The following TTC9 variants were observed in gnomAD, a reference collection of about 807,000 sequenced individuals.
TTC9 encodes the protein tetratricopeptide repeat domain 9.
In TTC9, 13 loss-of-function variants were observed where a neutral mutation model predicts 22.9. That is an observed-to-expected ratio of 0.57 (90% CI 0.37 to 0.90). The LOEUF (loss-of-function observed/expected upper bound fraction) is 0.90. Among genes scored for constraint, TTC9 ranks in the 40% least tolerant of loss-of-function variants. The pLI is 0.01. For missense variants in TTC9, 280 were observed against 291.8 expected, an observed-to-expected ratio of 0.96 and a Z score of 0.29; for synonymous variants, 148 against 133.2, an observed-to-expected ratio of 1.11 and a Z score of -0.77.
intron 1 of TTC9, among the ~76,000 whole-genome samples, chr14:70,658,178 C>T (rs1228758024): frequency 2.6e-5 from 4 of 152,120 alleles, no homozygotes; most frequent in African/African-American, 9.7e-5. Context: ...GTGGGCTCAG[C>T]GGGTCACTTA....
At chr14:70,654,587 CAAAAAAAAAAAAAAAAAAA>C (rs61046584) in intron 1 of TTC9, among the ~76,000 whole-genome samples, 8 of 57,158 alleles carry the variant, frequency 1.4e-4, no homozygotes, top group Admixed American at 6.0e-4. Flanking sequence ...GGCTCTGTCT[CAAAAAAAAAAAAAAAAAAA>C]AAAAAAAAAA....
chr14:70,662,152 T>A (rs1407458332), intron 1 of TTC9, among the ~76,000 whole-genome samples: 3 of 152,222 alleles, frequency 2.0e-5, no homozygotes, highest in Non-Finnish European at 4.4e-5. Flanking sequence ...TATGGTTGTC[T>A]GAGAGCTCAG....
At chr14:70,657,571 A>G (rs971587279) in intron 1 of TTC9, among the ~76,000 whole-genome samples, 2 of 152,216 alleles carry the variant, frequency 1.3e-5, no homozygotes, top group Admixed American at 6.5e-5. Context: ...AGCCCCCTAG[A>G]TAAAGCCAAA....
At chr14:70,645,355 A>T (rs535111949) in intron 1 of TTC9, among the ~76,000 whole-genome samples, 1 of 152,274 alleles carries the variant, frequency 6.6e-6, no homozygotes, top group Non-Finnish European at 1.5e-5. Context: ...TTAGAAACCC[A>T]CTGTGGTGTA....
At position 70,654,960 on chromosome 14, in the gene TTC9, G is replaced by C. The variant is rs141647547; in HGVS notation, c.406+12425G>C. On this transcript the variant is annotated intron_variant, in intron 1 of 2. Coordinates refer to ENST00000256367, the MANE Select transcript of TTC9 (RefSeq NM_015351.2). ...ACTCAGTTGATTGGCATAAGAGTAG[G>C]TTGCAGACTGTTTACACATCCAGCT... Among the ~76,000 whole-genome samples, 803 of 152,328 alleles carry C rather than the reference G, an allele frequency of 5.3e-3. 3 individuals are homozygous for C. The highest frequency in any genetic ancestry group is 0.013 in the South Asian group (63 of 4,828).
chr14:70,659,132 G>GCGCGCGCACACACACA (rs762892061), intron 1 of TTC9, among the ~76,000 whole-genome samples: 197 of 144,330 alleles, frequency 1.4e-3, no homozygotes, highest in East Asian at 8.5e-3. Context: ...ACACACACAC[G>GCGCGCGCACACACACA]CACACACACA....
At chr14:70,650,422 C>CAAA (rs5809492) in intron 1 of TTC9, among the ~76,000 whole-genome samples, 65 of 145,558 alleles carry the variant, frequency 4.5e-4, no homozygotes, top group African/African-American at 1.6e-3. Flanking sequence ...GACACCATCT[C>CAAA]AAAAAAAAAA....
In TTC9 at chr14:70,673,222, AAC is replaced by A. The variant is rs2139654058; in HGVS notation, c.*2071_*2072del. 1.3e-5 allele frequency: 2 copies of A among 152,334 alleles called. No individual in the cohort carries two copies. Among genetic ancestry groups the A allele is most frequent in the South Asian group, 4.1e-4 (2 of 4,824 alleles). The allele number at this position is 152,334 out of a possible 1,614,324, so 9.4% of individuals were successfully genotyped here. A position where few individuals can be genotyped will look rare whatever the true frequency, so the allele number is the denominator to read the frequency against. ...AGGGTCACAATTAAGACCGAAAGGA[AAC>A]ACAAAGTTAAATATGGGTTAATTAT... On this transcript the variant is annotated 3_prime_UTR_variant, in exon 3 of 3. Transcript: ENST00000256367.
chr14:70,650,422 CA>C lies in TTC9; in HGVS notation c.406+7899del, dbSNP rs5809492. Among the ~76,000 whole-genome samples the C allele has an allele frequency of 5.4e-4, 79 of 145,448 alleles. No homozygotes were observed. The East Asian group carries it at 6.3e-3, about 12-fold the overall frequency. Reference sequence around the variant, plus strand: ...TGGGCGACAGAGCAGGACACCATCTCAAAAAAAAAAAAGAATATACTTGATG... The same window carrying C: ...TGGGCGACAGAGCAGGACACCATCTCAAAAAAAAAAAGAATATACTTGATG... On this transcript the variant is annotated intron_variant, in intron 1 of 2. Coordinates refer to ENST00000256367, the MANE Select transcript of TTC9 (RefSeq NM_015351.2).
chr14:70,665,091 GTTATT>G (rs565408155), intron 1 of TTC9, among the ~76,000 whole-genome samples: 67 of 152,230 alleles, frequency 4.4e-4, no homozygotes, highest in African/African-American at 9.6e-4. Context: ...TTCAAAAACT[GTTATT>G]TTATTTTATT....
In TTC9 at chr14:70,672,200, CT is replaced by C. The variant is rs1273431952; in HGVS notation, c.*1046del. The C allele has an allele frequency of 2.0e-5, 3 of 152,220 alleles. No individual in the cohort carries two copies. Among genetic ancestry groups the C allele is most frequent in the African/African-American group, 7.2e-5 (3 of 41,452 alleles). 9.4% of individuals were successfully genotyped at this position (152,220 alleles called of 1,614,324 possible). On this transcript the variant is annotated 3_prime_UTR_variant, in exon 3 of 3. Coordinates refer to ENST00000256367, the MANE Select transcript of TTC9 (RefSeq NM_015351.2). ...CAGCCTTTGTGCTTTTAAGAGTGGG[CT>C]GGGATTGTGGAGACTGCCCAGGGGC... is the stretch of plus-strand genomic sequence containing the variant.
intron 1 of TTC9, among the ~76,000 whole-genome samples, chr14:70,666,855 G>T (rs1594741520): frequency 6.6e-6 from 1 of 152,168 alleles, no homozygotes; most frequent in East Asian, 1.9e-4. Context: ...CCATGATGGT[G>T]ATGATGATGA....
At chr14:70,668,073 A>T (rs1886239396) in intron 2 of TTC9, among the ~76,000 whole-genome samples, 2 of 152,172 alleles carry the variant, frequency 1.3e-5, no homozygotes. Flanking sequence ...TGTGCTAAGC[A>T]CCAAGGGAAT....
chr14:70,659,145 C>CACAT (rs1412582528), intron 1 of TTC9, among the ~76,000 whole-genome samples: 2 of 151,840 alleles, frequency 1.3e-5, no homozygotes, highest in African/African-American at 4.8e-5. Context: ...CACACACACA[C>CACAT]ACACACACAC....
chr14:70,667,853 A>C, intron 2 of TTC9, 107 bp downstream of exon 2: 1 of 1,118,792 alleles, frequency 8.9e-7, no homozygotes, highest in Non-Finnish European at 1.3e-6. Flanking sequence ...AGGGACAGAG[A>C]TGGCAAAATT....
chr14:70,655,554 C>A (rs1020010957), intron 1 of TTC9, among the ~76,000 whole-genome samples: 1 of 152,206 alleles, frequency 6.6e-6, no homozygotes, highest in Non-Finnish European at 1.5e-5. Flanking sequence ...CAGCCAACCC[C>A]CTTCAGGTCT....
chr14:70,667,514 A>C, intron 1 of TTC9, 50 bp from the exon 2 acceptor site: 26 of 1,598,480 alleles, frequency 1.6e-5, no homozygotes, highest in Non-Finnish European at 2.1e-5. Context: ...GGAAACATGC[A>C]GAGCTGGCCA....
chr14:70,671,491 C>A lies in TTC9; in HGVS notation c.*336C>A. ...CTTTGGCCAGTGCTTCTGACAGAGGCGGAGCCTGGCAAGTGTACCATCCCA... is the reference window on the plus strand; with the variant it reads ...CTTTGGCCAGTGCTTCTGACAGAGGAGGAGCCTGGCAAGTGTACCATCCCA... On this transcript the variant is annotated 3_prime_UTR_variant, in exon 3 of 3. Transcript: ENST00000256367. The A allele has an allele frequency of 3.9e-6, 1 of 254,522 alleles. No homozygotes were observed. The highest frequency in any genetic ancestry group is 5.1e-5 in the South Asian group (1 of 19,434). The allele number at this position is 254,522 out of a possible 1,614,324, so 15.8% of individuals were successfully genotyped here. A position where few individuals can be genotyped will look rare whatever the true frequency, so the allele number is the denominator to read the frequency against.
chr14:70,643,045 A>G (rs1885848664), intron 1 of TTC9, among the ~76,000 whole-genome samples: 1 of 152,180 alleles, frequency 6.6e-6, no homozygotes, highest in Non-Finnish European at 1.5e-5. Flanking sequence ...AGCAAAGGGG[A>G]GTTTGACACC....
Sources: gnomAD v4.1 joint callset for allele counts (sites outside exome capture counted in the v4.1 genomes callset) on GRCh38, gnomAD v4.1.1 for gene constraint, MANE v1.5 for transcripts, NCBI Gene and HGNC (gene_info 2026-07-23, HGNC 2026-07-21) for gene names.